Variants in UACA observed in about 807,000 individuals in gnomAD.
UACA encodes the protein uveal autoantigen with coiled-coil domains and ankyrin repeats.
Under a neutral mutation model 160.5 loss-of-function variants are expected in UACA, and 112 were observed. That is an observed-to-expected ratio of 0.70 (90% confidence interval 0.60 to 0.82). The LOEUF is 0.82. UACA is among the 40% of genes least tolerant of loss of function. UACA has a pLI of 0.00. For synonymous variants in UACA, 557 were observed against 568.4 expected (o/e 0.98, Z 0.29); for missense variants, 1,574 against 1,614.6 (o/e 0.97, Z 0.43).
rs769575635 is a variant in UACA at position 70,740,283 on chromosome 15, G to A, written c.78+23047C>T. 2.6e-5 allele frequency among the ~76,000 whole-genome samples: 4 copies of A among 152,060 alleles called. No individual in the cohort carries two copies. In the East Asian group the frequency reaches 5.8e-4, roughly 22 times the overall value. The stretch of plus-strand genomic sequence containing the variant: ...TCATGTGCAAATCTGTGATAGCACT[G>A]GCCAAGTAAAGTCATATATACAAGA... On this transcript the variant is annotated intron_variant, in intron 1 of 18. Transcript: ENST00000322954.
intron 1 of UACA, chr15:70,702,334 G>C: frequency 4.0e-6 from 4 of 989,754 alleles, no homozygotes; most frequent in Non-Finnish European, 4.8e-6. Flanking sequence ...CGAATTGTCC[G>C]GTAAACAGCG....
rs549118530 is a variant in UACA at position 70,654,572 on chromosome 15, G to C, written c.*2484C>G. 6.6e-6 allele frequency: 1 copy of C among 151,794 alleles called. No individual in the cohort carries two copies. Among genetic ancestry groups the C allele is most frequent in the South Asian group, 2.1e-4 (1 of 4,786 alleles). The allele number at this position is 151,794 out of a possible 1,614,324, so 9.4% of individuals were successfully genotyped here. ...TAAGATGTTCAATGCATGAATATTT[G>C]ATTTTATTTCAAAAGACAATTATTT... On this transcript the variant is annotated 3_prime_UTR_variant, in exon 19 of 19. Coordinates refer to ENST00000322954, the MANE Select transcript of UACA (RefSeq NM_018003.4).
intron 3 of UACA, among the ~76,000 whole-genome samples, chr15:70,694,150 A>C (rs762614771): frequency 6.6e-6 from 1 of 152,200 alleles, no homozygotes; most frequent in Non-Finnish European, 1.5e-5. Context: ...ATAGAAAAAC[A>C]AAGTATAACT....
intron 1 of UACA, chr15:70,701,967 A>C (rs1898381829): frequency 8.7e-6 from 14 of 1,606,312 alleles, no homozygotes; most frequent in Non-Finnish European, 1.2e-5. Context: ...GCATTAAGTT[A>C]CAAATCTCTG....
At chr15:70,701,888 G>A (rs377652255) in intron 1 of UACA, 9 of 1,613,022 alleles carry the variant, frequency 5.6e-6, no homozygotes, top group Non-Finnish European at 7.6e-6. Context: ...CTGTTCTTAG[G>A]AGTACAAGAA....
At chr15:70,721,689 C>G (rs1180263550) in intron 1 of UACA, among the ~76,000 whole-genome samples, 1 of 151,588 alleles carries the variant, frequency 6.6e-6, no homozygotes, top group Non-Finnish European at 1.5e-5. Flanking sequence ...GCGCTTTGCA[C>G]AGTCCTCAAC....
chr15:70,699,726 A>G, intron 1 of UACA, 66 bp from the exon 2 acceptor site: 13 of 1,563,598 alleles, frequency 8.3e-6, no homozygotes, highest in Non-Finnish European at 1.1e-5. Flanking sequence ...CTAAAGAAAG[A>G]AAAAAGAGAG....
At chr15:70,735,815 A>G (rs1224336410) in intron 1 of UACA, among the ~76,000 whole-genome samples, 1 of 152,118 alleles carries the variant, frequency 6.6e-6, no homozygotes, top group African/African-American at 2.4e-5. Flanking sequence ...AGCTGGGACT[A>G]CAGGTGTAAG....
chr15:70,700,665 A>G (rs1334254529), intron 1 of UACA, among the ~76,000 whole-genome samples: 2 of 152,048 alleles, frequency 1.3e-5, no homozygotes, highest in Non-Finnish European at 2.9e-5. Context: ...AGGTATTCTG[A>G]AGCCAATAAC....
At chr15:70,657,777 G>A (rs1025410643) in intron 18 of UACA, among the ~76,000 whole-genome samples, 2 of 151,640 alleles carry the variant, frequency 1.3e-5, no homozygotes, top group African/African-American at 4.8e-5. Flanking sequence ...TTTTTTGTTT[G>A]TTTGTTTAGA....
At chr15:70,685,102 A>C (rs1189309294) in intron 7 of UACA, among the ~76,000 whole-genome samples, 1 of 152,160 alleles carries the variant, frequency 6.6e-6, no homozygotes, top group Non-Finnish European at 1.5e-5. Flanking sequence ...CCTGCTTAGA[A>C]GAACCTTGAT....
At chr15:70,767,711 C>T (rs558697796), upstream of UACA, among the ~76,000 whole-genome samples, 1 of 152,320 alleles carries the variant, frequency 6.6e-6, no homozygotes, top group South Asian at 2.1e-4. Context: ...TGACTTCCCT[C>T]TTCATTTTCA....
At chr15:70,765,180 A>G (rs1306852857), upstream of UACA, among the ~76,000 whole-genome samples, 1 of 152,174 alleles carries the variant, frequency 6.6e-6, no homozygotes, top group Non-Finnish European at 1.5e-5. Flanking sequence ...ATCTTTATGC[A>G]TACTGATCCC....
At chr15:70,672,488 A>C (rs1897170658) in intron 13 of UACA, among the ~76,000 whole-genome samples, 1 of 148,138 alleles carries the variant, frequency 6.8e-6, no homozygotes, top group Non-Finnish European at 1.5e-5. Context: ...AAAGAGAGAG[A>C]GAGCAGGAAA....
intron 1 of UACA, among the ~76,000 whole-genome samples, chr15:70,717,641 T>G (rs1898859519): frequency 6.6e-6 from 1 of 152,198 alleles, no homozygotes; most frequent in Non-Finnish European, 1.5e-5. Flanking sequence ...TGCTGCCTTC[T>G]CATAAGACCT....
chr15:70,715,118 G>A lies in UACA; in HGVS notation c.79-15458C>T, dbSNP rs1319485604. 2.0e-5 allele frequency among the ~76,000 whole-genome samples: 3 copies of A among 152,116 alleles called. No homozygotes were observed. The East Asian group carries it at 5.8e-4, about 29-fold the overall frequency. On this transcript the variant is annotated intron_variant, in intron 1 of 18. Transcript: ENST00000322954. Reference sequence around the variant, plus strand: ...TGTTCCTTGGTATTTTTTGAAAAGTGTATTCGACAAGAGTTCTTAAAAAGC... The same window carrying A: ...TGTTCCTTGGTATTTTTTGAAAAGTATATTCGACAAGAGTTCTTAAAAAGC...
At chr15:70,776,625 C>T in the UACA span, among the ~76,000 whole-genome samples, 1 of 151,984 alleles carries the variant, frequency 6.6e-6, no homozygotes, top group Non-Finnish European at 1.5e-5. Flanking sequence ...GATGGGGTTT[C>T]ACCAGGTTGG....
chr15:70,660,124 C>T (rs117136117), intron 18 of UACA, 27 bp downstream of exon 18: 23,139 of 1,574,304 alleles, frequency 0.015, 201 homozygotes, highest in Non-Finnish European at 0.018. Context: ...AAGCAATATT[C>T]TTTCCAAAGG....
intron 17 of UACA, among the ~76,000 whole-genome samples, chr15:70,661,973 C>T (rs1896721926): frequency 6.6e-6 from 1 of 152,164 alleles, no homozygotes; most frequent in South Asian, 2.1e-4. Context: ...CCCTCTCTCG[C>T]CACTCCTATT....
Sources: allele counts gnomAD v4.1 joint callset (sites outside exome capture counted in the v4.1 genomes callset), GRCh38; gene constraint gnomAD v4.1.1; transcripts MANE v1.5; gene names NCBI Gene and HGNC (gene_info 2026-07-23, HGNC 2026-07-21).